Variants in KDM4C observed in about 807,000 individuals in gnomAD.
The protein encoded by KDM4C is lysine-specific demethylase 4C.
Under a neutral mutation model 129.3 loss-of-function variants are expected in KDM4C, and 81 were observed. The ratio of observed to expected loss-of-function variants is 0.63; its 90% CI spans 0.52 to 0.75. The LOEUF is 0.75. Among genes scored for constraint, KDM4C ranks in the 30% least tolerant of loss-of-function variants. KDM4C has a pLI of 0.00. For synonymous variants in KDM4C, 573 were observed against 456.1 expected (o/e 1.26, Z -3.26); for missense variants, 1,457 against 1,304.0 (o/e 1.12, Z -1.81).
chr9:7,037,173 A>G (rs920375537), intron 15 of KDM4C, among the ~76,000 whole-genome samples: 1 of 152,062 alleles, frequency 6.6e-6, no homozygotes, highest in Non-Finnish European at 1.5e-5. Context: ...AGAGAGCCCT[A>G]TTTTACGGTT....
intron 15 of KDM4C, among the ~76,000 whole-genome samples, chr9:7,033,468 G>T (rs1254515181): frequency 6.6e-6 from 1 of 152,156 alleles, no homozygotes; most frequent in East Asian, 1.9e-4. Context: ...TTAAACCTTG[G>T]CCTGCAAAGG....
chr9:6,847,264 TA>T lies in KDM4C; in HGVS notation c.436-2242del, dbSNP rs200056894. The stretch of plus-strand genomic sequence containing the variant: ...TGACTTTTAAATAGGACTCTATTAT[TA>T]GAGTGATTGGACTGAAGTCTGATTG... On this transcript the variant is annotated intron_variant, in intron 4 of 21. Coordinates refer to ENST00000381309, the MANE Select transcript of KDM4C (RefSeq NM_015061.6). 9.8e-3 allele frequency among the ~76,000 whole-genome samples: 1,493 copies of T among 152,356 alleles called. 9 individuals carry two copies. The highest frequency in any genetic ancestry group is 0.016 in the Non-Finnish European group (1,062 of 68,024).
At chr9:7,113,600 C>T (rs965742137) in intron 18 of KDM4C, among the ~76,000 whole-genome samples, 1 of 152,200 alleles carries the variant, frequency 6.6e-6, no homozygotes, top group Non-Finnish European at 1.5e-5. Flanking sequence ...CCACTGCAAA[C>T]TCCCATGCTC....
intron 1 of KDM4C, among the ~76,000 whole-genome samples, chr9:6,744,079 A>G (rs1817795106): frequency 8.1e-6 from 1 of 123,878 alleles, no homozygotes; most frequent in Non-Finnish European, 1.6e-5. Flanking sequence ...AATCAGCTTC[A>G]TCCAGATAAC....
At chr9:6,990,739 GT>G (rs1818598628) in intron 12 of KDM4C, among the ~76,000 whole-genome samples, 1 of 152,152 alleles carries the variant, frequency 6.6e-6, no homozygotes, top group Non-Finnish European at 1.5e-5. Flanking sequence ...ACTGGTAAAA[GT>G]CTTCCAGTTT....
intron 18 of KDM4C, among the ~76,000 whole-genome samples, chr9:7,112,166 A>T (rs1396899775): frequency 6.6e-6 from 1 of 152,188 alleles, no homozygotes; most frequent in Non-Finnish European, 1.5e-5. Context: ...AGAGTTTCTC[A>T]TTTAGGCATT....
At chr9:6,797,201 G>T (rs909309051) in intron 2 of KDM4C, among the ~76,000 whole-genome samples, 28 of 151,892 alleles carry the variant, frequency 1.8e-4, no homozygotes, top group African/African-American at 6.5e-4. Context: ...TACCCAGAGT[G>T]GTCTTGAACT....
At chr9:7,052,004 A>T (rs957103271) in intron 17 of KDM4C, among the ~76,000 whole-genome samples, 12 of 152,332 alleles carry the variant, frequency 7.9e-5, no homozygotes, top group African/African-American at 2.6e-4. Context: ...CCCTCATTTA[A>T]GAATCCACGG....
intron 19 of KDM4C, among the ~76,000 whole-genome samples, chr9:7,139,803 CTGTA>C (rs1841563134): frequency 6.6e-6 from 1 of 152,124 alleles, no homozygotes. Context: ...TGGTAGTTGT[CTGTA>C]TGAGTCTGCA....
intron 8 of KDM4C, among the ~76,000 whole-genome samples, chr9:6,928,163 C>G (rs185933030): frequency 2.0e-5 from 3 of 152,174 alleles, no homozygotes; most frequent in African/African-American, 7.2e-5. Context: ...GTTACTCAAC[C>G]CCTCACCCTC....
At chr9:6,903,662 G>A (rs532459689) in intron 8 of KDM4C, among the ~76,000 whole-genome samples, 1 of 152,290 alleles carries the variant, frequency 6.6e-6, no homozygotes, top group Non-Finnish European at 1.5e-5. Context: ...ATAACCAATT[G>A]TGTCCATACA....
intron 1 of KDM4C, among the ~76,000 whole-genome samples, chr9:6,724,571 C>T (rs966137559): frequency 7.2e-5 from 11 of 152,080 alleles, no homozygotes; most frequent in Non-Finnish European, 5.9e-5. Context: ...TGTTCTGTCG[C>T]CCAGGCTGGA....
intron 17 of KDM4C, among the ~76,000 whole-genome samples, chr9:7,096,323 G>A (rs138400953): frequency 6.6e-6 from 1 of 152,240 alleles, no homozygotes; most frequent in East Asian, 1.9e-4. Flanking sequence ...CTGCTTTTAT[G>A]TGTGCGTTTT....
In KDM4C at chr9:6,763,940, A is replaced by G. The variant is rs148316567; in HGVS notation, c.-18+5737A>G. On this transcript the variant is annotated intron_variant, in intron 1 of 21. Coordinates refer to ENST00000381309, the MANE Select transcript of KDM4C (RefSeq NM_015061.6). ...GCCCAGCTAATTTTGTGTTTTTAGT[A>G]GAGACGGAGGGTTTCTCCGTGTTGG... is the stretch of plus-strand genomic sequence containing the variant. Among the ~76,000 whole-genome samples, 1,114 of 152,250 alleles carry G rather than the reference A, an allele frequency of 7.3e-3. 8 individuals are homozygous for G. Among genetic ancestry groups the G allele is most frequent in the Middle Eastern group, 0.017 (5 of 294 alleles).
At chr9:7,003,747 T>C (rs1269149720) in intron 12 of KDM4C, among the ~76,000 whole-genome samples, 1 of 152,240 alleles carries the variant, frequency 6.6e-6, no homozygotes, top group East Asian at 1.9e-4. Context: ...AATTTTTTTC[T>C]CTTTTGTACT....
chr9:6,779,241 C>T (rs908150642), intron 1 of KDM4C, among the ~76,000 whole-genome samples: 14 of 151,858 alleles, frequency 9.2e-5, no homozygotes, highest in African/African-American at 3.4e-4. Context: ...TGGTCTCGAT[C>T]TCTTGACCTC....
chr9:7,076,469 AC>A, intron 17 of KDM4C: 1 of 1,550,876 alleles, frequency 6.4e-7, no homozygotes, highest in Non-Finnish European at 8.7e-7. Context: ...AACAGTAACA[AC>A]AACAACAATA....
chr9:6,952,737 G>A (rs140310553), intron 8 of KDM4C, among the ~76,000 whole-genome samples: 5 of 152,042 alleles, frequency 3.3e-5, no homozygotes, highest in South Asian at 4.1e-4. Context: ...CACTGTGCCC[G>A]GCCCCAGAGT....
chr9:6,751,735 C>G (rs563705664), intron 1 of KDM4C, among the ~76,000 whole-genome samples: 20 of 152,248 alleles, frequency 1.3e-4, no homozygotes, highest in South Asian at 4.1e-4. Flanking sequence ...TCACAATAGT[C>G]AGCTCAAGGC....
Sources: allele counts gnomAD v4.1 joint callset (sites outside exome capture counted in the v4.1 genomes callset), GRCh38; gene constraint gnomAD v4.1.1; transcripts MANE v1.5; gene names NCBI Gene and HGNC (gene_info 2026-07-23, HGNC 2026-07-21).